THSD7B: variants seen among roughly 807,000 people sequenced by gnomAD.
THSD7B encodes the protein thrombospondin type 1 domain containing 7B, also known as thrombospondin type-1 domain-containing protein 7B.
THSD7B carries 138 observed loss-of-function variants against 213.6 expected under a neutral mutation model. The ratio of observed to expected loss-of-function variants is 0.65; its 90% confidence interval spans 0.56 to 0.74. THSD7B has a LOEUF of 0.74. Ranked by LOEUF, THSD7B falls within the 30% of genes least tolerant of loss-of-function variation. The probability of loss-of-function intolerance (pLI) is 0.00; values close to 1 mark genes in which losing one functional copy is unlikely to be tolerated. For synonymous variants in THSD7B, 742 were observed against 687.0 expected (o/e 1.08, Z -1.25); for missense variants, 1,931 against 1,991.5 (o/e 0.97, Z 0.58).
At chr2:137,263,076 G>T (rs1682490040) in intron 10 of THSD7B, among the ~76,000 whole-genome samples, 2 of 152,110 alleles carry the variant, frequency 1.3e-5, no homozygotes, top group African/African-American at 4.8e-5. Context: ...TGAGGATATT[G>T]GAAGGAGTCC....
At chr2:137,453,391 A>G (rs1415534278) in intron 15 of THSD7B, among the ~76,000 whole-genome samples, 1 of 125,346 alleles carries the variant, frequency 8.0e-6, no homozygotes, top group Non-Finnish European at 1.6e-5. Context: ...GTGCAGTGGC[A>G]TGATCTCGGC....
intron 4 of THSD7B, among the ~76,000 whole-genome samples, chr2:137,103,538 A>G (rs1196903393): frequency 1.3e-5 from 2 of 152,212 alleles, no homozygotes; most frequent in Non-Finnish European, 2.9e-5. Context: ...TAACCGTATT[A>G]ACCTTAAATG....
At chr2:137,403,769 T>C (rs1686431890) in intron 12 of THSD7B, among the ~76,000 whole-genome samples, 1 of 152,244 alleles carries the variant, frequency 6.6e-6, no homozygotes, top group Admixed American at 6.5e-5. Context: ...TGTTTTCAAC[T>C]GTGGCAATTT....
intron 1 of THSD7B, among the ~76,000 whole-genome samples, chr2:136,803,961 G>A (rs923609880): frequency 1.3e-5 from 2 of 152,192 alleles, no homozygotes; most frequent in African/African-American, 4.8e-5. Context: ...TGACAATGGT[G>A]AAGCCCATCT....
chr2:136,876,692 G>A (rs1683530595), intron 1 of THSD7B, among the ~76,000 whole-genome samples: 1 of 152,124 alleles, frequency 6.6e-6, no homozygotes, highest in African/African-American at 2.4e-5. Context: ...GTGTGTGTAT[G>A]TGCATAAAAA....
intron 7 of THSD7B, among the ~76,000 whole-genome samples, chr2:137,190,489 G>A (rs1018180585): frequency 4.6e-5 from 7 of 152,130 alleles, no homozygotes; most frequent in Non-Finnish European, 7.3e-5. Flanking sequence ...CAGGGATTCT[G>A]CCAGACCCGC....
chr2:137,209,817 C>T lies in THSD7B; in HGVS notation c.1724-21227C>T, dbSNP rs566734618. ...GGCTGAATTGTGCTCTCTCAAAATTCATATGGTGAAGTCCTAGAACCCAGT... is the reference window on the plus strand; with the variant it reads ...GGCTGAATTGTGCTCTCTCAAAATTTATATGGTGAAGTCCTAGAACCCAGT... On this transcript the variant is annotated intron_variant, in intron 7 of 27. Transcript: ENST00000409968. 2.2e-3 allele frequency among the ~76,000 whole-genome samples: 337 copies of T among 152,162 alleles called. 1 individual carries two copies. Among genetic ancestry groups the T allele is most frequent in the Non-Finnish European group, 3.1e-3 (209 of 67,968 alleles).
At chr2:137,639,160 G>A (rs1029144242) in intron 20 of THSD7B, among the ~76,000 whole-genome samples, 23 of 152,124 alleles carry the variant, frequency 1.5e-4, no homozygotes, top group African/African-American at 5.6e-4. Context: ...ACAGCCTGGA[G>A]TCCCAGCAGG....
At chr2:137,417,040 A>G (rs16838900) in intron 14 of THSD7B, among the ~76,000 whole-genome samples, 12,959 of 152,280 alleles carry the variant, frequency 0.085, 1,187 homozygotes, top group African/African-American at 0.22. Flanking sequence ...TTTCATTAGT[A>G]TATCATCCAC....
intron 12 of THSD7B, among the ~76,000 whole-genome samples, chr2:137,277,856 A>C (rs1320359034): frequency 6.6e-6 from 1 of 152,082 alleles, no homozygotes; most frequent in Non-Finnish European, 1.5e-5. Flanking sequence ...TGAGGATAAA[A>C]GCTGGAGCTC....
intron 18 of THSD7B, among the ~76,000 whole-genome samples, chr2:137,617,149 G>A (rs1682402788): frequency 6.6e-6 from 1 of 152,156 alleles, no homozygotes; most frequent in African/African-American, 2.4e-5. Flanking sequence ...ATGACCTGGT[G>A]TATTTGTCCT....
chr2:136,818,475 C>CA (rs1682517713), intron 1 of THSD7B, among the ~76,000 whole-genome samples: 1 of 151,176 alleles, frequency 6.6e-6, no homozygotes, highest in Admixed American at 6.6e-5. Context: ...TGCAGTGCAC[C>CA]AGCATGGCAC....
intron 1 of THSD7B, among the ~76,000 whole-genome samples, chr2:136,782,312 G>A (rs1681756887): frequency 6.6e-6 from 1 of 152,078 alleles, no homozygotes; most frequent in Admixed American, 6.5e-5. Flanking sequence ...GGTCTCTCTT[G>A]GTGGCTCCAG....
rs574288413 is a variant in THSD7B at position 137,075,209 on chromosome 2, A to C, written c.950+17979A>C. On this transcript the variant is annotated intron_variant, in intron 3 of 27. Coordinates refer to ENST00000409968, the MANE Select transcript of THSD7B (RefSeq NM_001316349.2). The stretch of plus-strand genomic sequence containing the variant: ...CCAACTTGGTTCCATTCTCCCCATC[A>C]CTTTCAGGTACACCAGTCAAATGTA... Among the ~76,000 whole-genome samples, 266 of 152,282 alleles carry C rather than the reference A, an allele frequency of 1.7e-3. 1 individual carries two copies. The highest frequency in any genetic ancestry group is 6.2e-3 in the African/African-American group (259 of 41,548).
At chr2:137,294,813 C>T (rs1334506755) in intron 12 of THSD7B, among the ~76,000 whole-genome samples, 1 of 151,974 alleles carries the variant, frequency 6.6e-6, no homozygotes, top group Admixed American at 6.6e-5. Flanking sequence ...GGAACGTATA[C>T]CCCATGGGTA....
intron 7 of THSD7B, among the ~76,000 whole-genome samples, chr2:137,183,019 A>G (rs1467505664): frequency 6.6e-6 from 1 of 152,094 alleles, no homozygotes. Context: ...CATTTTGTGT[A>G]AAAAAACTTA....
chr2:137,084,111 T>G (rs1166526495), intron 3 of THSD7B, among the ~76,000 whole-genome samples: 2 of 151,838 alleles, frequency 1.3e-5, no homozygotes, highest in African/African-American at 4.8e-5. Flanking sequence ...GTAGATTAGC[T>G]CTCTAGGAAT....
Position 137,618,451 on chromosome 2 carries a change from C to T in THSD7B, c.3625C>T (p.Leu1209=), listed in dbSNP as rs1682450847. Residue 1209 remains leucine, a synonymous_variant, in exon 19 of 28, where the codon CTG becomes TTG. Transcript: ENST00000409968. The stretch of plus-strand genomic sequence containing the variant: ...CTGTGGTCAAGGCGTCAGGACCCGC[C>T]TGCTAAGCTGTGTGTGCAGTGATGG... ...APCGQGVRTR[L]LSCVCSDGKP... 3 of 1,613,796 alleles carry T rather than the reference C, an allele frequency of 1.9e-6. No individual in the cohort carries two copies.
At chr2:137,163,298 A>C (rs756324216) in intron 6 of THSD7B, among the ~76,000 whole-genome samples, 1 of 152,222 alleles carries the variant, frequency 6.6e-6, no homozygotes, top group Non-Finnish European at 1.5e-5. Flanking sequence ...CCCCTGGTAC[A>C]TATGAGTAGG....
Sources: gnomAD v4.1 joint callset for allele counts (sites outside exome capture counted in the v4.1 genomes callset) on GRCh38, gnomAD v4.1.1 for gene constraint, MANE v1.5 for transcripts, NCBI Gene and HGNC (gene_info 2026-07-23, HGNC 2026-07-21) for gene names.